Variants in PCDH7 observed in about 807,000 individuals in gnomAD.
The protein encoded by PCDH7 is protocadherin-7.
A neutral mutation model predicts 58.9 loss-of-function variants in PCDH7; 17 were observed. The observed-to-expected ratio is 0.29, with a 90% CI of 0.20 to 0.43. The LOEUF (loss-of-function observed/expected upper bound fraction) is 0.43, where lower values mean the gene tolerates loss of function less well. PCDH7 is among the 20% of genes least tolerant of loss of function. The pLI, the probability that PCDH7 is intolerant of heterozygous loss-of-function variation, is 1.00. For synonymous variants in PCDH7, 664 were observed against 616.4 expected, an observed-to-expected ratio of 1.08 and a Z score of -1.14; for missense variants, 1,274 against 1,441.0, an observed-to-expected ratio of 0.88 and a Z score of 1.88.
intron 1 of PCDH7, among the ~76,000 whole-genome samples, chr4:30,905,948 A>G (rs891121137): frequency 6.6e-6 from 1 of 152,190 alleles, no homozygotes; most frequent in Non-Finnish European, 1.5e-5. Flanking sequence ...CACAGAAGAG[A>G]TGGTTTCAGA....
intron 3 of PCDH7, among the ~76,000 whole-genome samples, chr4:30,997,081 C>CTT (rs34696642): frequency 6.9e-6 from 1 of 145,902 alleles, no homozygotes. Context: ...TCCTTCTTTT[C>CTT]TTTTTTTTTT....
intron 1 of PCDH7, among the ~76,000 whole-genome samples, chr4:30,863,759 T>C (rs1456129066): frequency 6.6e-6 from 1 of 152,104 alleles, no homozygotes; most frequent in Non-Finnish European, 1.5e-5. Flanking sequence ...AAAAATTTCA[T>C]CCACACAAAA....
downstream of PCDH7, chr4:31,142,969 C>T (rs1268549792): frequency 3.0e-6 from 2 of 658,496 alleles, no homozygotes; most frequent in Non-Finnish European, 4.5e-6. Flanking sequence ...CAAAGCTTTG[C>T]CTGCCACTTC....
intron 1 of PCDH7, among the ~76,000 whole-genome samples, chr4:30,825,516 G>A (rs903769256): frequency 5.9e-5 from 9 of 152,082 alleles, no homozygotes; most frequent in Non-Finnish European, 8.8e-5. Flanking sequence ...CATTTCCTGA[G>A]GATTGTCAGC....
intron 1 of PCDH7, chr4:30,725,232 C>T (rs370886468): frequency 5.1e-6 from 5 of 987,090 alleles, no homozygotes; most frequent in East Asian, 1.1e-4. Flanking sequence ...ATAATCGATA[C>T]CTATAACAAT....
intron 1 of PCDH7, among the ~76,000 whole-genome samples, chr4:30,763,459 A>T (rs2109270966): frequency 6.6e-6 from 1 of 152,342 alleles, no homozygotes; most frequent in East Asian, 1.9e-4. Flanking sequence ...TAAATTGGCC[A>T]TATAAAATCA....
downstream of PCDH7, chr4:31,144,809 A>T (rs1407287384): frequency 6.6e-6 from 1 of 152,162 alleles, no homozygotes; most frequent in Admixed American, 6.6e-5. Flanking sequence ...TGTAATTGAA[A>T]CAAAAAACAT....
chr4:30,851,322 T>G (rs1269597296), intron 1 of PCDH7, among the ~76,000 whole-genome samples: 1 of 152,168 alleles, frequency 6.6e-6, no homozygotes, highest in South Asian at 2.1e-4. Context: ...AGTTACTAAA[T>G]ATGTGATCTT....
chr4:30,927,829 C>T (rs925413422), intron 2 of PCDH7, among the ~76,000 whole-genome samples: 22 of 145,230 alleles, frequency 1.5e-4, no homozygotes, highest in African/African-American at 3.6e-4. Flanking sequence ...TCCCCCTCTG[C>T]GAGAAACACC....
chr4:30,765,743 T>C (rs1467115383), intron 1 of PCDH7, among the ~76,000 whole-genome samples: 1 of 152,180 alleles, frequency 6.6e-6, no homozygotes, highest in Non-Finnish European at 1.5e-5. Flanking sequence ...GAGTGTGAGC[T>C]GTGCAGGTGG....
At chr4:30,828,595 G>C (rs1251710469) in intron 1 of PCDH7, among the ~76,000 whole-genome samples, 1 of 151,882 alleles carries the variant, frequency 6.6e-6, no homozygotes, top group Non-Finnish European at 1.5e-5. Flanking sequence ...AATGTGGTTT[G>C]TAAACCTGCA....
At chr4:30,963,601 A>G (rs563018454) in intron 3 of PCDH7, among the ~76,000 whole-genome samples, 2 of 151,720 alleles carry the variant, frequency 1.3e-5, no homozygotes, top group Non-Finnish European at 2.9e-5. Flanking sequence ...TTTTCTTATT[A>G]CAATGCAAAT....
At chr4:31,035,559 A>G (rs762077725) in intron 3 of PCDH7, among the ~76,000 whole-genome samples, 43 of 152,126 alleles carry the variant, frequency 2.8e-4, no homozygotes, top group Non-Finnish European at 5.4e-4. Flanking sequence ...GGCCACATCT[A>G]TGTTTCTTAA....
At chr4:30,851,066 C>A (rs2109346323) in intron 1 of PCDH7, among the ~76,000 whole-genome samples, 1 of 151,994 alleles carries the variant, frequency 6.6e-6, no homozygotes, top group African/African-American at 2.4e-5. Flanking sequence ...GGAAATGTGT[C>A]TTGTTTAAGG....
chr4:30,800,537 T>C (rs752260793), intron 1 of PCDH7, among the ~76,000 whole-genome samples: 20 of 152,180 alleles, frequency 1.3e-4, no homozygotes, highest in Non-Finnish European at 2.6e-4. Flanking sequence ...TTCAAAGACC[T>C]CACTACCATG....
intron 3 of PCDH7, among the ~76,000 whole-genome samples, chr4:30,981,543 CA>C (rs1360770265): frequency 1.3e-5 from 2 of 152,100 alleles, no homozygotes; most frequent in Non-Finnish European, 2.9e-5. Context: ...AAGGTTGAAG[CA>C]AATATTTTAT....
intron 1 of PCDH7, among the ~76,000 whole-genome samples, chr4:30,856,675 C>T (rs1333742854): frequency 1.5e-5 from 2 of 137,220 alleles, no homozygotes; most frequent in African/African-American, 2.7e-5. Flanking sequence ...TTTGTAAGTA[C>T]TTACTATACT....
In PCDH7 at chr4:30,871,694, A is replaced by AT. The variant is rs1735611524; in HGVS notation, c.71-48458dup. Among the ~76,000 whole-genome samples the AT allele has an allele frequency of 1.3e-5, 2 of 152,108 alleles. 1 individual carries two copies. Among genetic ancestry groups the AT allele is most frequent in the South Asian group, 4.1e-4 (2 of 4,834 alleles). ...ATTGTATTTCTTTCTTAGGCCTGTCATAAAAAAGTGATACAAAACGGGTGG... is the reference window on the plus strand; with the variant it reads ...ATTGTATTTCTTTCTTAGGCCTGTCATTAAAAAAGTGATACAAAACGGGTGG... On this transcript the variant is annotated intron_variant, in intron 1 of 3. Transcript: ENST00000509759.
chr4:30,804,802 A>G (rs1214626093), intron 1 of PCDH7, among the ~76,000 whole-genome samples: 1 of 152,170 alleles, frequency 6.6e-6, no homozygotes. Context: ...TCTAACTAAA[A>G]TAAGGTCTCT....
Sources: allele counts gnomAD v4.1 joint callset (sites outside exome capture counted in the v4.1 genomes callset), GRCh38; gene constraint gnomAD v4.1.1; transcripts MANE v1.5; gene names NCBI Gene and HGNC (gene_info 2026-07-23, HGNC 2026-07-21).